The following ROBO2 variants were observed in gnomAD, a reference collection of about 807,000 sequenced individuals.
ROBO2 encodes roundabout homolog 2.
Under a neutral mutation model 160.8 loss-of-function variants are expected in ROBO2, and 53 were observed. That is an observed-to-expected ratio of 0.33 (90% CI 0.26 to 0.41). The LOEUF (loss-of-function observed/expected upper bound fraction) is 0.41, where lower values mean the gene tolerates loss of function less well. Among genes scored for constraint, ROBO2 ranks in the 10% least tolerant of loss-of-function variants. ROBO2 has a pLI of 1.00. For synonymous variants in ROBO2, 664 were observed against 611.7 expected, an observed-to-expected ratio of 1.09 and a Z score of -1.26; for missense variants, 1,577 against 1,722.4, an observed-to-expected ratio of 0.92 and a Z score of 1.49.
intron 2 of ROBO2, among the ~76,000 whole-genome samples, chr3:77,378,902 A>T (rs906216281): frequency 6.6e-6 from 1 of 151,674 alleles, no homozygotes; most frequent in Non-Finnish European, 1.5e-5. Flanking sequence ...CGGCATGCGT[A>T]ACAAGTCAAG....
chr3:76,504,694 AT>A (rs1164489341), intron 2 of ROBO2, among the ~76,000 whole-genome samples: 2 of 151,298 alleles, frequency 1.3e-5, no homozygotes, highest in Admixed American at 6.6e-5. Context: ...CGCCCAGCTA[AT>A]TTTTTTGTAT....
At chr3:77,526,127 C>T (rs2091132157) in intron 6 of ROBO2, among the ~76,000 whole-genome samples, 1 of 151,420 alleles carries the variant, frequency 6.6e-6, no homozygotes, top group South Asian at 2.1e-4. Flanking sequence ...TGTTAGGCCA[C>T]ATTAGGGTTC....
At chr3:76,441,174 C>G (rs1256839160) in intron 2 of ROBO2, among the ~76,000 whole-genome samples, 1 of 152,104 alleles carries the variant, frequency 6.6e-6, no homozygotes, top group East Asian at 1.9e-4. Flanking sequence ...TTTCACAAAG[C>G]TGGTGCTTGG....
chr3:77,024,314 C>G (rs999660470), intron 2 of ROBO2, among the ~76,000 whole-genome samples: 6 of 152,128 alleles, frequency 3.9e-5, no homozygotes, highest in Admixed American at 6.6e-5. Flanking sequence ...GTGGAACATT[C>G]TTAGTTGTCA....
chr3:77,572,006 C>A (rs1357408942), intron 13 of ROBO2, among the ~76,000 whole-genome samples: 1 of 151,754 alleles, frequency 6.6e-6, no homozygotes. Context: ...CTGAAGTGTG[C>A]AAGTGTGCAA....
chr3:76,992,325 CTATATATATATATATATATATATA>C (rs10530833), intron 2 of ROBO2, among the ~76,000 whole-genome samples: 9 of 46,892 alleles, frequency 1.9e-4, no homozygotes, highest in Admixed American at 4.6e-4. Flanking sequence ...CCATGTATTA[CTATATATATATATATATATATATA>C]TATATATATA....
chr3:77,456,102 AG>A (rs1441918822), intron 2 of ROBO2, among the ~76,000 whole-genome samples: 2 of 152,336 alleles, frequency 1.3e-5, no homozygotes, highest in East Asian at 3.9e-4. Context: ...TTAATACTGT[AG>A]TATGAAAATA....
chr3:76,273,120 A>AATATATATATATATAT (rs749043409), intron 2 of ROBO2, among the ~76,000 whole-genome samples: 705 of 32,220 alleles, frequency 0.022, 19 homozygotes, highest in African/African-American at 0.028. Flanking sequence ...CACACATATA[A>AATATATATATATATAT]ATATATATAT....
chr3:76,677,888 T>TTGTTATA (rs1270153967), intron 2 of ROBO2, among the ~76,000 whole-genome samples: 4 of 151,518 alleles, frequency 2.6e-5, no homozygotes, highest in Non-Finnish European at 5.9e-5. Flanking sequence ...TTGCCTATGA[T>TTGTTATA]TGTTATATGT....
chr3:75,923,750 A>T (rs185943046), intron 1 of ROBO2, among the ~76,000 whole-genome samples: 1 of 152,332 alleles, frequency 6.6e-6, no homozygotes, highest in Non-Finnish European at 1.5e-5. Context: ...AACAGTCATG[A>T]GAGTAAAGAC....
At chr3:76,016,417 A>G (rs1366812862) in intron 2 of ROBO2, among the ~76,000 whole-genome samples, 1 of 151,966 alleles carries the variant, frequency 6.6e-6, no homozygotes, top group African/African-American at 2.4e-5. Context: ...CTCTGTCAGT[A>G]TATCTCGTAT....
chr3:75,906,845 T>G (rs1443232632), exon 1 of ROBO2: 1 of 152,248 alleles, frequency 6.6e-6, no homozygotes, highest in Non-Finnish European at 1.5e-5. Context: ...GAGCAGCAGG[T>G]CCGGGGGGAG....
chr3:76,422,558 T>C (rs933511415), intron 2 of ROBO2, among the ~76,000 whole-genome samples: 1 of 152,186 alleles, frequency 6.6e-6, no homozygotes, highest in Non-Finnish European at 1.5e-5. Context: ...ATTTAGTAAA[T>C]TGCATCGTCT....
intron 2 of ROBO2, among the ~76,000 whole-genome samples, chr3:76,684,651 A>G (rs978158729): frequency 2.0e-5 from 3 of 152,144 alleles, no homozygotes; most frequent in Non-Finnish European, 4.4e-5. Flanking sequence ...TACTTCCAAG[A>G]ATATCACTGA....
At chr3:77,602,253 G>A (rs373026409) in exon 20 of ROBO2, 10 of 1,613,994 alleles carry the variant, frequency 6.2e-6, no homozygotes, top group South Asian at 2.2e-5. Context: ...AAACAGCAAC[G>A]ATGCTCTCAG....
At chr3:76,802,586 G>A (rs7632918) in intron 2 of ROBO2, among the ~76,000 whole-genome samples, 3,304 of 152,082 alleles carry the variant, frequency 0.022, 118 homozygotes, top group African/African-American at 0.069. Context: ...AAAATTAGCC[G>A]GGCGTGGTGG....
At chr3:76,543,732 A>G (rs2082941057) in intron 2 of ROBO2, among the ~76,000 whole-genome samples, 1 of 152,012 alleles carries the variant, frequency 6.6e-6, no homozygotes, top group South Asian at 2.1e-4. Context: ...TAACTTTTAT[A>G]ATCACCAGCG....
At chr3:77,100,795 T>G (rs1560009380) in intron 2 of ROBO2, among the ~76,000 whole-genome samples, 1 of 152,300 alleles carries the variant, frequency 6.6e-6, no homozygotes, top group South Asian at 2.1e-4. Flanking sequence ...GTAAAAATAC[T>G]ACGCAAATCC....
chr3:76,509,830 T>C (rs1041655763), intron 2 of ROBO2, among the ~76,000 whole-genome samples: 7 of 152,138 alleles, frequency 4.6e-5, no homozygotes, highest in African/African-American at 7.2e-5. Context: ...ATTCAAAATT[T>C]GAAATGCTCC....
Sources: allele counts gnomAD v4.1 joint callset (sites outside exome capture counted in the v4.1 genomes callset), GRCh38; gene constraint gnomAD v4.1.1; transcripts MANE v1.5; gene names NCBI Gene and HGNC (gene_info 2026-07-23, HGNC 2026-07-21).